Variants in MRPL20 observed in about 807,000 individuals in gnomAD.
The protein encoded by MRPL20 is large ribosomal subunit protein bL20m.
A neutral mutation model predicts 20.0 loss-of-function variants in MRPL20; 21 were observed. The ratio of observed to expected loss-of-function variants is 1.05; its 90% CI spans 0.74 to 1.51. The LOEUF (loss-of-function observed/expected upper bound fraction) is 1.51, where lower values mean the gene tolerates loss of function less well. Ranked by LOEUF, MRPL20 falls within the 40% of genes most tolerant of loss-of-function variation. MRPL20 has a pLI of 0.00. For synonymous variants in MRPL20, 104 were observed against 73.0 expected, an observed-to-expected ratio of 1.43 and a Z score of -2.17; for missense variants, 252 against 185.6, an observed-to-expected ratio of 1.36 and a Z score of -2.08.
chr1:1,404,643 G>A (rs561309834), intron 3 of MRPL20, among the ~76,000 whole-genome samples: 3 of 150,972 alleles, frequency 2.0e-5, no homozygotes, highest in Non-Finnish European at 4.4e-5. Context: ...TGGGACTACA[G>A]GTGCCGGCCA....
chr1:1,407,212 G>A lies in MRPL20; in HGVS notation c.6C>T (p.Val2=), dbSNP rs1393609701. The A allele has an allele frequency of 1.2e-6, 2 of 1,601,194 alleles. No individual in the cohort carries two copies. The highest frequency in any genetic ancestry group is 1.7e-5 in the Admixed American group (1 of 57,916). ...GCAGCCAGAGCTGCGCGGTGAGGAA[G>A]ACCATGGCGCCTGCAGGCCGGCGTC... The part of the protein sequence containing the change: M[V]FLTAQLWLRN... The change falls in exon 1 of 4, where the codon GTC becomes GTT. Residue 2 remains valine, a synonymous_variant. Transcript: ENST00000344843.
rs549970548 is a variant in MRPL20, at chr1:1,407,281, C to G, written c.-64G>C. ...ACGCGCAGCGCCGCTGCCATCTTGCCCGGGTCGGAAATGGTGGTCACGAGC... is the reference window on the plus strand; with the variant it reads ...ACGCGCAGCGCCGCTGCCATCTTGCGCGGGTCGGAAATGGTGGTCACGAGC... On this transcript the variant is annotated 5_prime_UTR_variant, in exon 1 of 4. Transcript: ENST00000344843. 5.6e-6 allele frequency: 8 copies of G among 1,439,292 alleles called. No homozygotes were observed. Among genetic ancestry groups the G allele is most frequent in the Non-Finnish European group, 7.6e-6 (8 of 1,051,242 alleles). 89.2% of individuals were successfully genotyped at this position (1,439,292 alleles called of 1,614,324 possible). A position where few individuals can be genotyped will look rare whatever the true frequency, so the allele number is the denominator to read the frequency against.
rs942956230 is a variant in MRPL20 at position 1,406,076 on chromosome 1, C to T, written c.199-190G>A. The T allele has an allele frequency of 1.0e-5, 8 of 775,088 alleles. No individual in the cohort carries two copies. In the Admixed American group the frequency reaches 1.9e-4, roughly 18 times the overall value. 48.0% of individuals were successfully genotyped at this position (775,088 alleles called of 1,614,324 possible). ...AAAATTAAAAACAGCAAAAACCCAG[C>T]TGGGCACGGTGTCTCACGCCTGTAA... is the stretch of plus-strand genomic sequence containing the variant. On this transcript the variant is annotated intron_variant, in intron 2 of 3. Transcript: ENST00000344843.
intron 3 of MRPL20, among the ~76,000 whole-genome samples, chr1:1,404,027 C>CA (rs1645359483): frequency 6.7e-6 from 1 of 149,368 alleles, no homozygotes; most frequent in Admixed American, 6.7e-5. Context: ...TGAATAGAGA[C>CA]AGAGTTTTAC....
intron 3 of MRPL20, among the ~76,000 whole-genome samples, chr1:1,404,877 A>G (rs1374679637): frequency 6.6e-6 from 1 of 152,064 alleles, no homozygotes; most frequent in African/African-American, 2.4e-5. Context: ...AAGCTCCCAG[A>G]CCTGCCAGAA....
chr1:1,405,138 C>G (rs368867939), intron 3 of MRPL20: 3 of 153,300 alleles, frequency 2.0e-5, no homozygotes, highest in African/African-American at 7.2e-5. Context: ...TCTAGGTGCC[C>G]GCCACCACAC....
intron 2 of MRPL20, chr1:1,406,688 A>C (rs1244740508): frequency 2.1e-6 from 1 of 467,316 alleles, no homozygotes; most frequent in Admixed American, 4.4e-5. Context: ...GGCCCGGGCG[A>C]GGGGCTGGAG....
In MRPL20 at chr1:1,405,858, C is replaced by T. The variant is rs201503869; in HGVS notation, c.227G>A (p.Ser76Asn). The change falls in exon 3 of 4, where the codon AGC becomes AAC. Residue 76 changes from serine (S) to asparagine (N), a missense_variant. By Grantham distance (46) the Ser-to-Asn change is conservative. Coordinates refer to ENST00000344843, the MANE Select transcript of MRPL20 (RefSeq NM_017971.4). ...TGGATACTTCAGTCCATGTTCCTGG[C>T]TAGCAGCTGTAATTCGATTAATCCA... ...TLWINRITAA[S>N]QEHGLKYPAL... 899 of 1,613,804 alleles carry T rather than the reference C, an allele frequency of 5.6e-4. 11 individuals carry two copies. In the South Asian group the frequency reaches 9.4e-3, roughly 17 times the overall value.
Position 1,402,212 on chromosome 1 carries a change from G to A in MRPL20, c.321C>T (p.Ile107=). ...LNRKVLADLA[I]YEPKTFKSLA... is the part of the protein sequence containing the mutation. ...AAGATTTGAAAGTCTTTGGCTCGTAGATGGCCAGATCCGCTAGGACTTTCC... is the reference window on the plus strand; with the variant it reads ...AAGATTTGAAAGTCTTTGGCTCGTAAATGGCCAGATCCGCTAGGACTTTCC... The change falls in exon 4 of 4, where the codon ATC becomes ATT. Residue 107 remains isoleucine, a synonymous_variant. Transcript: ENST00000344843. The A allele has an allele frequency of 1.9e-6, 3 of 1,613,958 alleles. No homozygotes were observed. Among genetic ancestry groups the A allele is most frequent in the South Asian group, 2.2e-5 (2 of 91,072 alleles).
In MRPL20 at chr1:1,407,246, T is replaced by C. The variant is rs1038324916; in HGVS notation, c.-29A>G. On this transcript the variant is annotated 5_prime_UTR_variant, in exon 1 of 4. The change abolishes the stop of an existing upstream ORF in the 5' untranslated region. Coordinates refer to ENST00000344843, the MANE Select transcript of MRPL20 (RefSeq NM_017971.4). ...GCCTGCAGGCCGGCGTCCCGAACACTCAACAACGCACGCGCAGCGCCGCTG... is the reference window on the plus strand; with the variant it reads ...GCCTGCAGGCCGGCGTCCCGAACACCCAACAACGCACGCGCAGCGCCGCTG... 2 of 1,554,298 alleles carry C rather than the reference T, an allele frequency of 1.3e-6. No individual in the cohort carries two copies. The highest frequency in any genetic ancestry group is 2.3e-5 in the South Asian group (2 of 86,814).
intron 2 of MRPL20, 75 bp from the exon 3 acceptor site, chr1:1,405,961 T>G: frequency 1.3e-6 from 2 of 1,537,268 alleles, no homozygotes; most frequent in Non-Finnish European, 1.8e-6. Flanking sequence ...CTAATTGATC[T>G]AAAGAATATT....
At position 1,402,217 on chromosome 1, in the gene MRPL20, C is replaced by A. The variant is rs1645337478; in HGVS notation, c.316G>T (p.Ala106Ser). 2 of 1,613,662 alleles carry A rather than the reference C, an allele frequency of 1.2e-6. No individual in the cohort carries two copies. Among genetic ancestry groups the A allele is most frequent in the African/African-American group, 2.7e-5 (2 of 74,990 alleles). ...ELNRKVLADL[A>S]IYEPKTFKSL... is the part of the protein sequence containing the mutation. Reference sequence around the variant, plus strand: ...TTGAAAGTCTTTGGCTCGTAGATGGCCAGATCCGCTAGGACTTTCCTGTTG... The same window carrying A: ...TTGAAAGTCTTTGGCTCGTAGATGGACAGATCCGCTAGGACTTTCCTGTTG... Residue 106 changes from alanine (A) to serine (S), a missense_variant, in exon 4 of 4, where the codon GCC (alanine) becomes TCC (serine). Transcript: ENST00000344843.
chr1:1,404,860 G>A (rs1370707330), intron 3 of MRPL20, among the ~76,000 whole-genome samples: 1 of 152,128 alleles, frequency 6.6e-6, no homozygotes, highest in East Asian at 1.9e-4. Context: ...CTGCCAACCA[G>A]TGCGGTAAGC....
chr1:1,402,478 G>A (rs1223374758), intron 3 of MRPL20: 13 of 1,307,396 alleles, frequency 9.9e-6, no homozygotes, highest in Non-Finnish European at 1.3e-5. Flanking sequence ...AATCTGCAGG[G>A]AGGCTGGACT....
chr1:1,403,891 G>A (rs977133192), intron 3 of MRPL20, among the ~76,000 whole-genome samples: 3 of 152,118 alleles, frequency 2.0e-5, no homozygotes, highest in African/African-American at 7.2e-5. Context: ...GCCCACGCTG[G>A]AGTACACTGG....
At chr1:1,403,867 A>G (rs1026410600) in intron 3 of MRPL20, among the ~76,000 whole-genome samples, 9 of 149,864 alleles carry the variant, frequency 6.0e-5, no homozygotes, top group African/African-American at 2.0e-4. Context: ...GTTGAGACAC[A>G]GTCACACACT....
At chr1:1,402,521 C>T in intron 3 of MRPL20, 9 of 1,218,490 alleles carry the variant, frequency 7.4e-6, no homozygotes, top group Non-Finnish European at 9.2e-6. Context: ...GAACCAAACA[C>T]CTTGTTCAGG....
At chr1:1,403,017 T>C (rs1224575633) in intron 3 of MRPL20, among the ~76,000 whole-genome samples, 1 of 151,100 alleles carries the variant, frequency 6.6e-6, no homozygotes, top group Non-Finnish European at 1.5e-5. Flanking sequence ...TAGTCTCAGC[T>C]ACTCAGGAGG....
chr1:1,402,029 C>T lies in MRPL20; in HGVS notation c.*54G>A. ...GTTGTAGATAAACAAAAGTATAAAT[C>T]AAACAAACTGCAAATTACTCTGTCT... On this transcript the variant is annotated 3_prime_UTR_variant, in exon 4 of 4. Transcript: ENST00000344843. The T allele has an allele frequency of 6.4e-7, 1 of 1,561,614 alleles. No homozygotes were observed. Among genetic ancestry groups the T allele is most frequent in the Non-Finnish European group, 8.7e-7 (1 of 1,151,862 alleles).
Sources: allele counts gnomAD v4.1 joint callset (sites outside exome capture counted in the v4.1 genomes callset), GRCh38; gene constraint gnomAD v4.1.1; transcripts MANE v1.5; gene names NCBI Gene and HGNC (gene_info 2026-07-23, HGNC 2026-07-21).